Variants in PSMD14 observed in about 807,000 individuals in gnomAD.
The protein encoded by PSMD14 is proteasome 26S subunit, non-ATPase 14, also known as ubiquitin C-terminal hydrolase PSMD14.
In PSMD14, 7 loss-of-function variants were observed where a neutral mutation model predicts 41.2. The observed-to-expected ratio is 0.17, with a 90% CI of 0.10 to 0.32. PSMD14 has a LOEUF of 0.32. Ranked by LOEUF, PSMD14 falls within the 10% of genes least tolerant of loss-of-function variation. The probability of loss-of-function intolerance (pLI) is 1.00; values close to 1 mark genes in which losing one functional copy is unlikely to be tolerated. For synonymous variants in PSMD14, 114 were observed against 122.3 expected (o/e 0.93, Z 0.45); for missense variants, 139 against 375.6 (o/e 0.37, Z 5.21).
chr2:161,323,617 A>G (rs1190985194), intron 3 of PSMD14, among the ~76,000 whole-genome samples: 2 of 152,104 alleles, frequency 1.3e-5, no homozygotes, highest in African/African-American at 4.8e-5. Context: ...GAGCCAAGGT[A>G]GTACCACTGC....
At chr2:161,374,220 T>C (rs1422459251) in intron 7 of PSMD14, among the ~76,000 whole-genome samples, 1 of 151,950 alleles carries the variant, frequency 6.6e-6, no homozygotes, top group Non-Finnish European at 1.5e-5. Flanking sequence ...TGTGGATAGG[T>C]GTCACTCTCT....
intron 7 of PSMD14, among the ~76,000 whole-genome samples, chr2:161,379,327 GTTTA>G (rs1015616371): frequency 2.3e-4 from 35 of 152,064 alleles, no homozygotes; most frequent in African/African-American, 7.7e-4. Context: ...TAAGCTCACT[GTTTA>G]TTTGTCACTT....
intron 9 of PSMD14, among the ~76,000 whole-genome samples, chr2:161,392,257 A>G (rs1395034827): frequency 6.6e-6 from 1 of 152,216 alleles, no homozygotes; most frequent in South Asian, 2.1e-4. Flanking sequence ...AGCATTTTTT[A>G]AAAGAACACT....
chr2:161,379,138 ACAGG>A (rs1683541750), intron 7 of PSMD14, among the ~76,000 whole-genome samples: 1 of 152,008 alleles, frequency 6.6e-6, no homozygotes, highest in Non-Finnish European at 1.5e-5. Flanking sequence ...GGAATTGGCA[ACAGG>A]CAAACGAGTT....
intron 3 of PSMD14, among the ~76,000 whole-genome samples, chr2:161,345,894 A>G (rs957926114): frequency 6.7e-6 from 1 of 150,216 alleles, no homozygotes; most frequent in East Asian, 2.0e-4. Flanking sequence ...CATTCTTTTT[A>G]TTTTTATTTT....
At chr2:161,376,170 C>CT (rs1430960823) in intron 7 of PSMD14, among the ~76,000 whole-genome samples, 1 of 150,562 alleles carries the variant, frequency 6.6e-6, no homozygotes, top group Non-Finnish European at 1.5e-5. Flanking sequence ...AGAACACAGA[C>CT]TTAGGGGTCA....
intron 3 of PSMD14, among the ~76,000 whole-genome samples, chr2:161,359,128 C>G (rs1387603078): frequency 6.6e-6 from 1 of 151,994 alleles, no homozygotes; most frequent in East Asian, 1.9e-4. Flanking sequence ...ACCACCATGC[C>G]TGGCAAATCT....
chr2:161,335,468 G>T (rs116756201), intron 3 of PSMD14, among the ~76,000 whole-genome samples: 2,113 of 152,332 alleles, frequency 0.014, 44 homozygotes, highest in African/African-American at 0.048. Context: ...CATGTGGCCA[G>T]TGGCCACTAT....
chr2:161,316,706 T>G (rs114033872), intron 2 of PSMD14, 137 bp downstream of exon 2: 87 of 152,356 alleles, frequency 5.7e-4, no homozygotes, highest in African/African-American at 2.1e-3. Context: ...GTGGTGTGAT[T>G]TAGAATATGT....
At chr2:161,342,071 AAT>A (rs1459063290) in intron 3 of PSMD14, among the ~76,000 whole-genome samples, 9 of 152,164 alleles carry the variant, frequency 5.9e-5, no homozygotes, top group African/African-American at 1.7e-4. Context: ...AGTTTAACAA[AAT>A]ATGTTTTGCA....
At chr2:161,341,077 C>T (rs1682950091) in intron 3 of PSMD14, 1 of 1,540,370 alleles carries the variant, frequency 6.5e-7, no homozygotes, top group African/African-American at 1.4e-5. Context: ...GCAGGCTCCC[C>T]GAGCTCCCCC....
chr2:161,374,432 A>G (rs184427453), intron 7 of PSMD14, among the ~76,000 whole-genome samples: 5 of 152,158 alleles, frequency 3.3e-5, no homozygotes, highest in Admixed American at 2.0e-4. Context: ...ATAATGAAAT[A>G]CACTATATGA....
chr2:161,402,287 A>G (rs377246344), intron 10 of PSMD14, among the ~76,000 whole-genome samples: 5 of 152,240 alleles, frequency 3.3e-5, no homozygotes, highest in African/African-American at 9.6e-5. Flanking sequence ...AGAAAAGACA[A>G]CCTACAAAGT....
intron 3 of PSMD14, among the ~76,000 whole-genome samples, chr2:161,348,156 C>T (rs1170620092): frequency 6.6e-6 from 1 of 152,202 alleles, no homozygotes; most frequent in African/African-American, 2.4e-5. Context: ...ACCTACAACC[C>T]AGCAAATCTT....
chr2:161,337,033 C>A (rs907931177), intron 3 of PSMD14, among the ~76,000 whole-genome samples: 8 of 152,162 alleles, frequency 5.3e-5, no homozygotes, highest in African/African-American at 1.9e-4. Context: ...TATTCAAAGT[C>A]ATTTAAAGAA....
chr2:161,389,889 GTTTTTTTTTTTT>G (rs1162637393), intron 8 of PSMD14, among the ~76,000 whole-genome samples: 6 of 20,042 alleles, frequency 3.0e-4, no homozygotes, highest in African/African-American at 7.6e-4. Flanking sequence ...CTTTTTTGTT[GTTTTTTTTTTTT>G]TTTTTTTTTT....
At chr2:161,315,592 T>G (rs946182259) in intron 1 of PSMD14, among the ~76,000 whole-genome samples, 3 of 152,112 alleles carry the variant, frequency 2.0e-5, no homozygotes, top group African/African-American at 7.2e-5. Flanking sequence ...AACTATAATT[T>G]TTTTCACTAT....
At chr2:161,356,987 A>G (rs887592073) in intron 3 of PSMD14, among the ~76,000 whole-genome samples, 12 of 151,756 alleles carry the variant, frequency 7.9e-5, no homozygotes, top group African/African-American at 2.7e-4. Flanking sequence ...GTGGAGTAAT[A>G]TAACTAATAG....
intron 3 of PSMD14, among the ~76,000 whole-genome samples, chr2:161,329,644 C>T (rs1682756193): frequency 6.6e-6 from 1 of 152,088 alleles, no homozygotes; most frequent in Non-Finnish European, 1.5e-5. Context: ...CTTAGCTTAA[C>T]TACAAATAAT....
Sources: gnomAD v4.1 joint callset for allele counts (sites outside exome capture counted in the v4.1 genomes callset) on GRCh38, gnomAD v4.1.1 for gene constraint, MANE v1.5 for transcripts, NCBI Gene and HGNC (gene_info 2026-07-23, HGNC 2026-07-21) for gene names.